The following CLSTN1 variants were observed in gnomAD, a reference collection of about 807,000 sequenced individuals.
CLSTN1 encodes the protein calsyntenin-1.
A neutral mutation model predicts 108.3 loss-of-function variants in CLSTN1; 28 were observed. The ratio of observed to expected loss-of-function variants is 0.26; its 90% CI spans 0.19 to 0.35. The LOEUF is 0.35. CLSTN1 is among the 10% of genes least tolerant of loss of function. The probability of loss-of-function intolerance (pLI) is 1.00; values close to 1 mark genes in which losing one functional copy is unlikely to be tolerated. For synonymous variants in CLSTN1, 524 were observed against 534.9 expected (o/e 0.98, Z 0.28); for missense variants, 1,157 against 1,302.6 (o/e 0.89, Z 1.72).
chr1:9,818,864 G>A (rs1655088590), intron 1 of CLSTN1, among the ~76,000 whole-genome samples: 1 of 130,964 alleles, frequency 7.6e-6, no homozygotes, highest in Non-Finnish European at 1.5e-5. Flanking sequence ...TCGGCTCACT[G>A]CAAGCTCCAC....
chr1:9,795,836 T>C (rs1389244711), intron 1 of CLSTN1, among the ~76,000 whole-genome samples: 1 of 150,402 alleles, frequency 6.6e-6, no homozygotes, highest in African/African-American at 2.4e-5. Context: ...ATGCCTATAG[T>C]CCTGGCTACT....
rs1330018640 is a variant in CLSTN1 at position 9,729,767 on chromosome 1, G to A, written c.*741C>T. 1 of 152,410 alleles carries A rather than the reference G, an allele frequency of 6.6e-6. No individual in the cohort carries two copies. Among genetic ancestry groups the A allele is most frequent in the African/African-American group, 2.4e-5 (1 of 41,460 alleles). 9.4% of individuals were successfully genotyped at this position (152,410 alleles called of 1,614,324 possible). On this transcript the variant is annotated 3_prime_UTR_variant, in exon 19 of 19. Transcript: ENST00000377298. Reference sequence around the variant, plus strand: ...TCCCAAAGGCAAGGCCCGGCCACTTGTAGCTACCCTGATCCAGTCTCTTGA... The same window carrying A: ...TCCCAAAGGCAAGGCCCGGCCACTTATAGCTACCCTGATCCAGTCTCTTGA...
chr1:9,799,186 A>C (rs1269445567), intron 1 of CLSTN1, among the ~76,000 whole-genome samples: 1 of 152,072 alleles, frequency 6.6e-6, no homozygotes, highest in Non-Finnish European at 1.5e-5. Flanking sequence ...GTCTCAAAAA[A>C]GAAAAAAATA....
intron 2 of CLSTN1, among the ~76,000 whole-genome samples, chr1:9,760,705 T>C (rs1274568053): frequency 6.7e-6 from 1 of 148,372 alleles, no homozygotes; most frequent in Non-Finnish European, 1.5e-5. Context: ...TTTTTTTTTT[T>C]TTGGCTACAG....
intron 2 of CLSTN1, among the ~76,000 whole-genome samples, chr1:9,764,235 C>T (rs1371378883): frequency 6.6e-6 from 1 of 151,984 alleles, no homozygotes; most frequent in Non-Finnish European, 1.5e-5. Flanking sequence ...CACTACCCCC[C>T]ACCCCACCAC....
In CLSTN1 at chr1:9,731,829, A is replaced by G. The variant is rs759913228; in HGVS notation, c.2495T>C (p.Val832Ala). ...ANHMAAQPQF[V>A]HPEHRSFVDL... ...AACAAAGGAGCGGTGTTCCGGGTGC[A>G]CGAACTGTGGCTGGGCAGCCATGTG... Residue 832 changes from valine (V) to alanine (A), a missense_variant, in exon 17 of 19, where the codon GTG becomes GCG. Val to Ala is a moderately conservative substitution (Grantham distance 64). Coordinates refer to ENST00000377298, the MANE Select transcript of CLSTN1 (RefSeq NM_001009566.3). 16 of 1,614,030 alleles carry G rather than the reference A, an allele frequency of 9.9e-6. No homozygotes were observed. The African/African-American group carries it at 2.1e-4, about 22-fold the overall frequency.
In CLSTN1 at chr1:9,741,176, G is replaced by C. The variant is rs775303416; in HGVS notation, c.1437C>G (p.His479Gln). Residue 479 changes from histidine to glutamine, a missense_variant, in exon 10 of 19, where the codon CAC becomes CAG. By Grantham distance (24) the His-to-Gln change is conservative. Transcript: ENST00000377298. ...SVTLYVDGTS[H>Q]EPFSVTEDYP... ...AATCCTCAGTCACAGAGAAGGGCTCGTGGGACGTGCCATCCACATAGAGAG... is the reference window on the plus strand; with the variant it reads ...AATCCTCAGTCACAGAGAAGGGCTCCTGGGACGTGCCATCCACATAGAGAG... 6.2e-7 allele frequency: 1 copy of C among 1,614,084 alleles called. No homozygotes were observed. The highest frequency in any genetic ancestry group is 1.1e-5 in the South Asian group (1 of 91,082).
rs960154345 is a variant in CLSTN1, at chr1:9,818,504, T to A, written c.91+5139A>T. On this transcript the variant is annotated intron_variant, in intron 1 of 18. Coordinates refer to ENST00000377298, the MANE Select transcript of CLSTN1 (RefSeq NM_001009566.3). The stretch of plus-strand genomic sequence containing the variant: ...CCACCATGCCCAGCTAATTTTTGTA[T>A]TTTTAGTAGAGACAGGGTTTCATCA... Among the ~76,000 whole-genome samples the A allele has an allele frequency of 4.6e-3, 696 of 151,538 alleles. 2 individuals carry two copies. The highest frequency in any genetic ancestry group is 0.015 in the African/African-American group (630 of 41,178).
At position 9,747,590 on chromosome 1, in the gene CLSTN1, G is replaced by A. The variant is rs553019714; in HGVS notation, c.985+1871C>T. On this transcript the variant is annotated intron_variant, in intron 7 of 18. Transcript: ENST00000377298. ...CACTCTTGGCTCACTGCAGCCTCCT[G>A]GGTTCAAGCAATTCTCCTGCCTCAG... Among the ~76,000 whole-genome samples, 11 of 151,838 alleles carry A rather than the reference G, an allele frequency of 7.2e-5. No homozygotes were observed. In the East Asian group the frequency reaches 2.0e-3, roughly 27 times the overall value.
Position 9,734,177 on chromosome 1 carries a change from G to A in CLSTN1, c.2111-35C>T, listed in dbSNP as rs1175371517. ...AGGCCCAACCAGAAATATTAAGTAG[G>A]GGCAGTGGGGCCCAGCGTGGCGGGG... On this transcript the variant is annotated intron_variant, in intron 14 of 18. Coordinates refer to ENST00000377298, the MANE Select transcript of CLSTN1 (RefSeq NM_001009566.3). This position sits in a 1 kb window ranked among gnomAD's most constrained non-coding sequence, Gnocchi z 4.8. 1 of 1,608,062 alleles carries A rather than the reference G, an allele frequency of 6.2e-7. No individual in the cohort carries two copies. Among genetic ancestry groups the A allele is most frequent in the African/African-American group, 1.3e-5 (1 of 74,852 alleles).
At chr1:9,743,330 C>T (rs570171904) in intron 9 of CLSTN1, among the ~76,000 whole-genome samples, 4 of 152,224 alleles carry the variant, frequency 2.6e-5, no homozygotes, top group South Asian at 2.1e-4. Context: ...GCACTTTGGG[C>T]GGCTGAGGTG....
chr1:9,802,193 C>T (rs1654302276), intron 1 of CLSTN1, among the ~76,000 whole-genome samples: 1 of 152,174 alleles, frequency 6.6e-6, no homozygotes, highest in Non-Finnish European at 1.5e-5. Context: ...ATAACTGCTC[C>T]ACTATGCTCT....
chr1:9,736,183 T>C (rs1237176482), intron 11 of CLSTN1, 141 bp from the exon 12 acceptor site: 10 of 953,210 alleles, frequency 1.0e-5, no homozygotes, highest in African/African-American at 1.6e-5. Flanking sequence ...CCTGTTAGCC[T>C]TGCAATCTAC....
chr1:9,804,673 C>T (rs1430145147), intron 1 of CLSTN1, among the ~76,000 whole-genome samples: 1 of 152,062 alleles, frequency 6.6e-6, no homozygotes, highest in South Asian at 2.1e-4. Context: ...AGTGAAATCC[C>T]GTCTCTACAA....
In CLSTN1 at chr1:9,755,138, C is replaced by A. The variant is rs1474263329; in HGVS notation, c.416G>T (p.Gly139Val). Residue 139 changes from glycine to valine, a missense_variant, in exon 4 of 19, where the codon GGC becomes GTC. Gly to Val is a moderately radical substitution (Grantham distance 109). Transcript: ENST00000377298. ...QAYDCGKGPD[G>V]TNVKKSHKAT... ...CTTATGAGACTTTTTCACGTTGGTGCCATCAGGTCCCTTCCCACAATCATA... is the reference window on the plus strand; with the variant it reads ...CTTATGAGACTTTTTCACGTTGGTGACATCAGGTCCCTTCCCACAATCATA... The A allele has an allele frequency of 6.2e-7, 1 of 1,611,256 alleles. No homozygotes were observed. Among genetic ancestry groups the A allele is most frequent in the Admixed American group, 1.7e-5 (1 of 59,664 alleles).
At chr1:9,755,703 T>C (rs1411180882) in intron 3 of CLSTN1, among the ~76,000 whole-genome samples, 1 of 152,016 alleles carries the variant, frequency 6.6e-6, no homozygotes, top group Non-Finnish European at 1.5e-5. Context: ...GCAGCCAGTT[T>C]GATTTGGACC....
chr1:9,752,792 G>A (rs1287712558), intron 4 of CLSTN1, among the ~76,000 whole-genome samples: 2 of 152,180 alleles, frequency 1.3e-5, no homozygotes, highest in Admixed American at 1.3e-4. Flanking sequence ...AACCCTGGAG[G>A]TGGAGGTTGC....
chr1:9,790,865 G>A (rs112596844), intron 1 of CLSTN1, among the ~76,000 whole-genome samples: 19,446 of 150,902 alleles, frequency 0.13, 1,906 homozygotes, highest in African/African-American at 0.25. Context: ...CGGGCGCGGC[G>A]GCTCACGCCT....
At chr1:9,762,226 C>T (rs921843687) in intron 2 of CLSTN1, among the ~76,000 whole-genome samples, 2 of 152,058 alleles carry the variant, frequency 1.3e-5, no homozygotes, top group Non-Finnish European at 2.9e-5. Context: ...TTTTGGGAGG[C>T]CAAGGTGGGT....
Sources: allele counts gnomAD v4.1 joint callset (sites outside exome capture counted in the v4.1 genomes callset), GRCh38; gene constraint gnomAD v4.1.1; non-coding constraint Gnocchi (gnomAD v3.1); transcripts MANE v1.5; gene names NCBI Gene and HGNC (gene_info 2026-07-23, HGNC 2026-07-21).